The following CFAP20DC variants were observed in gnomAD, a reference collection of about 807,000 sequenced individuals.
CFAP20DC encodes protein CFAP20DC.
CFAP20DC carries 84 observed loss-of-function variants against 101.7 expected under a neutral mutation model. That is an observed-to-expected ratio of 0.83 (90% CI 0.69 to 0.99). The LOEUF (loss-of-function observed/expected upper bound fraction) is 0.99, where lower values mean the gene tolerates loss of function less well. Among genes scored for constraint, CFAP20DC ranks in the 50% least tolerant of loss-of-function variants. The pLI is 0.00. For missense variants in CFAP20DC, 1,007 were observed against 970.3 expected (o/e 1.04, Z -0.50); for synonymous variants, 359 against 351.2 (o/e 1.02, Z -0.25).
intron 15 of CFAP20DC, among the ~76,000 whole-genome samples, chr3:58,757,970 T>C (rs189821133): frequency 2.6e-5 from 4 of 152,232 alleles, no homozygotes; most frequent in Admixed American, 6.6e-5. Context: ...AGGACTTTTC[T>C]TGCAGGACTT....
intron 16 of CFAP20DC, among the ~76,000 whole-genome samples, chr3:58,751,868 A>ACACACACACACACAC (rs1559541321): frequency 9.6e-5 from 12 of 125,516 alleles, no homozygotes; most frequent in African/African-American, 3.8e-4. Flanking sequence ...CACACACACA[A>ACACACACACACACAC]AATTTCCTCC....
chr3:58,886,137 C>T (rs995552634), intron 6 of CFAP20DC, among the ~76,000 whole-genome samples: 6 of 151,912 alleles, frequency 3.9e-5, no homozygotes, highest in African/African-American at 1.2e-4. Context: ...AATGTTCATA[C>T]CATTTTACTC....
At chr3:58,954,904 T>A (rs553946883) in intron 4 of CFAP20DC, among the ~76,000 whole-genome samples, 2 of 152,124 alleles carry the variant, frequency 1.3e-5, no homozygotes, top group South Asian at 2.1e-4. Context: ...ATTCCCTTTT[T>A]AAAAACAGCT....
downstream of CFAP20DC, chr3:58,737,032 T>C: frequency 3.1e-6 from 1 of 320,412 alleles, no homozygotes. This position sits in a 1 kb window ranked among gnomAD's most constrained non-coding sequence, Gnocchi z 4.1. Context: ...TTTAGATTTA[T>C]CCTTTGTTAT....
At chr3:58,890,433 G>T (rs1359291868) in intron 6 of CFAP20DC, among the ~76,000 whole-genome samples, 4 of 145,446 alleles carry the variant, frequency 2.8e-5, no homozygotes, top group African/African-American at 5.2e-5. Context: ...GCCGGGCGGG[G>T]GGGCTGACCC....
intron 4 of CFAP20DC, among the ~76,000 whole-genome samples, chr3:58,985,885 T>C (rs2092734088): frequency 6.6e-6 from 1 of 152,240 alleles, no homozygotes; most frequent in African/African-American, 2.4e-5. Context: ...TTCATCTTTG[T>C]ATCGCCAGGG....
At chr3:58,986,242 C>G (rs1351191240) in intron 4 of CFAP20DC, among the ~76,000 whole-genome samples, 1 of 152,144 alleles carries the variant, frequency 6.6e-6, no homozygotes, top group Non-Finnish European at 1.5e-5. Context: ...AGTCAGCTAT[C>G]AGTTGATGCC....
Position 58,849,429 on chromosome 3 carries a change from A to G in CFAP20DC, c.1594-20T>C, listed in dbSNP as rs1453071426. On this transcript the variant is annotated intron_variant, in intron 12 of 16. Coordinates refer to ENST00000482387, the MANE Select transcript of CFAP20DC (RefSeq NM_001394063.1). ...GTTACCCTATGTTGGGGAACAAAGT[A>G]AAAATAATTTTGAGCAGAAATTTGT... is the stretch of plus-strand genomic sequence containing the variant. The G allele has an allele frequency of 6.8e-7, 1 of 1,478,960 alleles. No individual in the cohort carries two copies. Among genetic ancestry groups the G allele is most frequent in the South Asian group, 1.3e-5 (1 of 74,318 alleles). The allele number at this position is 1,478,960 out of a possible 1,614,324, so 91.6% of individuals were successfully genotyped here. A position where few individuals can be genotyped will look rare whatever the true frequency, so the allele number is the denominator to read the frequency against.
chr3:58,900,263 C>G (rs975994929), intron 6 of CFAP20DC, among the ~76,000 whole-genome samples: 2 of 152,192 alleles, frequency 1.3e-5, no homozygotes, highest in South Asian at 2.1e-4. Context: ...ATATTTAGTA[C>G]AGCACCTGGT....
At position 58,870,590 on chromosome 3, in the gene CFAP20DC, T is replaced by A. The variant is rs56722956; in HGVS notation, c.716-281A>T. 4.7e-3 allele frequency among the ~76,000 whole-genome samples: 683 copies of A among 144,744 alleles called. 5 individuals are homozygous for A. Among genetic ancestry groups the A allele is most frequent in the African/African-American group, 0.016 (644 of 39,630 alleles). The allele number at this position is 144,744 out of a possible 152,430, so 95.0% of individuals were successfully genotyped here. A position where few individuals can be genotyped will look rare whatever the true frequency, so the allele number is the denominator to read the frequency against. ...GAACCACCACCACAAAGTTTTTCTT[T>A]AAAAAAAAAAAGAAAGGGCCGGGCG... On this transcript the variant is annotated intron_variant, in intron 7 of 16. Transcript: ENST00000482387.
At chr3:59,011,871 A>C (rs1224586974) in intron 4 of CFAP20DC, among the ~76,000 whole-genome samples, 1 of 152,216 alleles carries the variant, frequency 6.6e-6, no homozygotes, top group African/African-American at 2.4e-5. Context: ...CATTTCTTTC[A>C]CAGGGATACA....
rs563046711 is a variant in CFAP20DC, at chr3:58,962,274, T to C, written c.279-24512A>G. Among the ~76,000 whole-genome samples the C allele has an allele frequency of 1.5e-4, 23 of 152,332 alleles. No homozygotes were observed. In the South Asian group the frequency reaches 3.7e-3, roughly 25 times the overall value. The stretch of plus-strand genomic sequence containing the variant: ...TCCTTATTATTCATCCTTTGACTCA[T>C]TGGCTATTAAGACACACACTATTTA... On this transcript the variant is annotated intron_variant, in intron 4 of 16. Transcript: ENST00000482387.
intron 4 of CFAP20DC, among the ~76,000 whole-genome samples, chr3:58,991,411 ATGTT>A (rs200391166): frequency 0.01 from 1,589 of 152,316 alleles, 36 homozygotes; most frequent in African/African-American, 0.036. Flanking sequence ...ATATTCTTGA[ATGTT>A]TGAACCTCAA....
intron 5 of CFAP20DC, among the ~76,000 whole-genome samples, chr3:58,919,202 T>C (rs116220601): frequency 1.4e-3 from 209 of 152,310 alleles, no homozygotes; most frequent in African/African-American, 4.7e-3. Flanking sequence ...CAGTAAATGG[T>C]GTCTTTCACT....
intron 15 of CFAP20DC, among the ~76,000 whole-genome samples, chr3:58,774,774 T>C (rs2071168856): frequency 6.6e-6 from 1 of 152,260 alleles, no homozygotes; most frequent in African/African-American, 2.4e-5. Flanking sequence ...AATGTCAAAA[T>C]ATCTAATACA....
At chr3:58,963,987 A>C (rs976241362) in intron 4 of CFAP20DC, among the ~76,000 whole-genome samples, 2 of 152,212 alleles carry the variant, frequency 1.3e-5, no homozygotes, top group Non-Finnish European at 2.9e-5. Flanking sequence ...TATAGACAGG[A>C]CCTAAGGCCA....
Position 58,923,929 on chromosome 3 carries a change from T to C in CFAP20DC, c.394-10065A>G, listed in dbSNP as rs1207967803. Among the ~76,000 whole-genome samples, 3 of 152,126 alleles carry C rather than the reference T, an allele frequency of 2.0e-5. No individual in the cohort carries two copies. The East Asian group carries it at 5.8e-4, about 29-fold the overall frequency. ...CAGACTCTGCTCATTTTGTTTTAGG[T>C]TTTTTCTCCCTCTCTGTGCTTTAGT... On this transcript the variant is annotated intron_variant, in intron 5 of 16. Coordinates refer to ENST00000482387, the MANE Select transcript of CFAP20DC (RefSeq NM_001394063.1).
intron 12 of CFAP20DC, chr3:58,862,759 A>T: frequency 1.0e-6 from 1 of 976,168 alleles, no homozygotes; most frequent in Non-Finnish European, 1.2e-6. Context: ...GTACATTTTC[A>T]CTAACCCTAA....
At chr3:58,994,151 G>C (rs2093033811) in intron 4 of CFAP20DC, among the ~76,000 whole-genome samples, 2 of 152,140 alleles carry the variant, frequency 1.3e-5, no homozygotes, top group Admixed American at 1.3e-4. Flanking sequence ...ACTACAGAGA[G>C]GGAAGAACTA....
Sources: allele counts gnomAD v4.1 joint callset (sites outside exome capture counted in the v4.1 genomes callset), GRCh38; gene constraint gnomAD v4.1.1; non-coding constraint Gnocchi (gnomAD v3.1); transcripts MANE v1.5; gene names NCBI Gene and HGNC (gene_info 2026-07-23, HGNC 2026-07-21).